Variants in ZRANB3 observed in about 807,000 individuals in gnomAD.
The protein encoded by ZRANB3 is DNA annealing helicase and endonuclease ZRANB3.
A neutral mutation model predicts 133.8 loss-of-function variants in ZRANB3; 125 were observed. The observed-to-expected ratio is 0.93, with a 90% CI of 0.81 to 1.08. The LOEUF (loss-of-function observed/expected upper bound fraction) is 1.08. ZRANB3 is among the 50% of genes least tolerant of loss of function. The probability of loss-of-function intolerance (pLI) is 0.00; values close to 1 mark genes in which losing one functional copy is unlikely to be tolerated. For missense variants in ZRANB3, 1,229 were observed against 1,275.5 expected (o/e 0.96, Z 0.56); for synonymous variants, 387 against 432.7 (o/e 0.89, Z 1.31).
rs1359083019 is a variant in ZRANB3, at chr2:135,362,895, G to A, written c.181-9267C>T. The stretch of plus-strand genomic sequence containing the variant: ...AGTCTCTAGTAAAGTTTTATTCAAA[G>A]TCACAGCTTTACAAATGGAATAAAA... On this transcript the variant is annotated intron_variant, in intron 3 of 20. Transcript: ENST00000264159. Among the ~76,000 whole-genome samples the A allele has an allele frequency of 4.6e-5, 7 of 152,240 alleles. No individual in the cohort carries two copies. The South Asian group carries it at 6.2e-4, about 14-fold the overall frequency.
intron 8 of ZRANB3, among the ~76,000 whole-genome samples, chr2:135,288,876 G>C (rs1464016196): frequency 9.6e-6 from 1 of 104,136 alleles, no homozygotes. Context: ...CATTTATCGT[G>C]TGTGTGTGTG....
intron 6 of ZRANB3, among the ~76,000 whole-genome samples, chr2:135,329,006 G>A (rs1683993298): frequency 6.6e-6 from 1 of 152,136 alleles, no homozygotes; most frequent in Non-Finnish European, 1.5e-5. Flanking sequence ...CCATTTTGTA[G>A]GTTGCCTGTT....
chr2:135,301,432 C>T (rs112115160), intron 8 of ZRANB3, among the ~76,000 whole-genome samples: 5 of 152,136 alleles, frequency 3.3e-5, no homozygotes, highest in East Asian at 3.9e-4. Flanking sequence ...GTGATCTGCC[C>T]GCTTAGGCCT....
At chr2:135,224,585 C>T (rs765627929) in intron 14 of ZRANB3, 68 bp from the exon 15 acceptor site, 24 of 1,134,470 alleles carry the variant, frequency 2.1e-5, no homozygotes, top group Admixed American at 4.3e-5. Flanking sequence ...TTATTTTAAT[C>T]GTGTGTAGGT....
intron 3 of ZRANB3, among the ~76,000 whole-genome samples, chr2:135,384,793 GC>G (rs1210040828): frequency 2.6e-5 from 4 of 152,080 alleles, no homozygotes; most frequent in African/African-American, 7.2e-5. Context: ...AAATTCAACA[GC>G]CCTTCATGCT....
rs1248582383 is a variant in ZRANB3, at chr2:135,227,947, A to G, written c.2023T>C (p.Ser675Pro). Reference sequence around the variant, plus strand: ...TCTGAGATAGTTTGAACCTTTTTGGAGGTGTCTTTCTGAGAATCATCCTTC... The same window carrying G: ...TCTGAGATAGTTTGAACCTTTTTGGGGGTGTCTTTCTGAGAATCATCCTTC... ...NEKDDSQKDT[S>P]KKVQTISDCE... Residue 675 changes from serine to proline, a missense_variant, in exon 14 of 21, where the codon TCC becomes CCC. Physicochemically the swap from Ser to Pro is moderately conservative, Grantham distance 74. Coordinates refer to ENST00000264159, the MANE Select transcript of ZRANB3 (RefSeq NM_032143.4). The G allele has an allele frequency of 6.4e-7, 1 of 1,552,814 alleles. No homozygotes were observed.
intron 3 of ZRANB3, among the ~76,000 whole-genome samples, chr2:135,376,220 C>T (rs1325455058): frequency 6.6e-6 from 1 of 152,164 alleles, no homozygotes; most frequent in Admixed American, 6.5e-5. Context: ...ACCCTGTTGA[C>T]ACCTATTTCA....
chr2:135,412,956 A>C (rs1400893522), intron 2 of ZRANB3, among the ~76,000 whole-genome samples: 1 of 152,206 alleles, frequency 6.6e-6, no homozygotes, highest in Non-Finnish European at 1.5e-5. Context: ...CTCTGGATCT[A>C]TTATGTACCT....
At chr2:135,228,071 A>C in intron 13 of ZRANB3, 56 bp from the exon 14 acceptor site, 1 of 1,368,208 alleles carries the variant, frequency 7.3e-7, no homozygotes, top group South Asian at 1.4e-5. Context: ...AAAGTAAAGT[A>C]AAAAGAATGT....
intron 17 of ZRANB3, among the ~76,000 whole-genome samples, chr2:135,216,708 G>A (rs916113035): frequency 2.6e-4 from 39 of 151,696 alleles, no homozygotes; most frequent in Admixed American, 2.2e-3. Context: ...CCAAAGTGTT[G>A]GGATTACAGG....
intron 2 of ZRANB3, among the ~76,000 whole-genome samples, chr2:135,416,339 G>A (rs993951761): frequency 1.3e-5 from 2 of 152,092 alleles, no homozygotes; most frequent in Non-Finnish European, 2.9e-5. Flanking sequence ...GCCAAATCAT[G>A]AGTGAACTCC....
At chr2:135,526,458 C>G (rs966040312) in intron 1 of ZRANB3, among the ~76,000 whole-genome samples, 1 of 152,126 alleles carries the variant, frequency 6.6e-6, no homozygotes, top group Non-Finnish European at 1.5e-5. Flanking sequence ...GCCAATGAGC[C>G]CAACCTGATT....
At chr2:135,390,715 A>G in intron 3 of ZRANB3, 87 bp downstream of exon 3, 8 of 1,524,450 alleles carry the variant, frequency 5.2e-6, no homozygotes, top group Non-Finnish European at 4.4e-6. Context: ...ATATAGTCAT[A>G]TGGAGAAAGA....
chr2:135,314,583 T>C (rs753638736), intron 7 of ZRANB3, among the ~76,000 whole-genome samples: 34 of 152,206 alleles, frequency 2.2e-4, no homozygotes, highest in African/African-American at 7.2e-4. Context: ...TTTTCTGATA[T>C]ACTGAATTTC....
intron 8 of ZRANB3, among the ~76,000 whole-genome samples, chr2:135,305,909 C>T (rs528634197): frequency 1.4e-4 from 21 of 151,946 alleles, no homozygotes; most frequent in African/African-American, 4.8e-4. Context: ...AATATATTAT[C>T]CTAGTGTCTC....
intron 2 of ZRANB3, among the ~76,000 whole-genome samples, chr2:135,394,335 A>C (rs570007929): frequency 6.6e-6 from 1 of 152,330 alleles, no homozygotes; most frequent in African/African-American, 2.4e-5. Context: ...TCAAGATAGG[A>C]AAAAAGGAAA....
At chr2:135,263,102 A>T (rs1680042742) in intron 12 of ZRANB3, among the ~76,000 whole-genome samples, 1 of 152,110 alleles carries the variant, frequency 6.6e-6, no homozygotes, top group African/African-American at 2.4e-5. Context: ...TCTTCCCCAT[A>T]TCCATTCTTC....
chr2:135,275,839 G>C, intron 8 of ZRANB3, 84 bp from the exon 9 acceptor site: 1 of 1,151,076 alleles, frequency 8.7e-7, no homozygotes, highest in East Asian at 3.0e-5. Context: ...CAAGAAAAAT[G>C]GCTTGAAAAT....
At chr2:135,404,261 C>G (rs1005869204) in intron 2 of ZRANB3, among the ~76,000 whole-genome samples, 1 of 152,100 alleles carries the variant, frequency 6.6e-6, no homozygotes, top group African/African-American at 2.4e-5. Context: ...CTTAAAGGAC[C>G]TGATGGTGCT....
Sources: gnomAD v4.1 joint callset for allele counts (sites outside exome capture counted in the v4.1 genomes callset) on GRCh38, gnomAD v4.1.1 for gene constraint, MANE v1.5 for transcripts, NCBI Gene and HGNC (gene_info 2026-07-23, HGNC 2026-07-21) for gene names.